Variants in CPS1 observed in about 807,000 individuals in gnomAD.
CPS1 encodes the protein carbamoyl-phosphate synthase 1.
CPS1 carries 109 observed loss-of-function variants against 174.6 expected under a neutral mutation model. The ratio of observed to expected loss-of-function variants is 0.62; its 90% CI spans 0.53 to 0.73. The LOEUF is 0.73. CPS1 is among the 30% of genes least tolerant of loss of function. The probability of loss-of-function intolerance (pLI) is 0.00; values close to 1 mark genes in which losing one functional copy is unlikely to be tolerated. For synonymous variants in CPS1, 637 were observed against 632.0 expected (o/e 1.01, Z -0.12); for missense variants, 1,689 against 1,821.9 (o/e 0.93, Z 1.33).
At chr2:210,486,115 T>TACAC (rs60740361) in intron 1 of CPS1, among the ~76,000 whole-genome samples, 5,113 of 135,548 alleles carry the variant, frequency 0.038, 130 homozygotes, top group East Asian at 0.081. Context: ...CACACACACA[T>TACAC]ACACACACAC....
At chr2:210,520,184 A>C (rs981519618) in intron 1 of CPS1, among the ~76,000 whole-genome samples, 7 of 152,082 alleles carry the variant, frequency 4.6e-5, no homozygotes, top group African/African-American at 1.7e-4. Flanking sequence ...TGTATAATTG[A>C]CATCCAATAA....
chr2:210,677,983 T>C lies in CPS1; in HGVS notation c.4501T>C (p.Ter1501GlnextTer13), dbSNP rs762494955. 1 of 1,610,262 alleles carries C rather than the reference T, an allele frequency of 6.2e-7. No individual in the cohort carries two copies. The highest frequency in any genetic ancestry group is 1.1e-5 in the South Asian group (1 of 91,010). Residue 1501 changes from the stop codon to glutamine (Q), a stop_lost, in exon 38 of 38, where the codon TAG (stop) becomes CAG (glutamine). Coordinates refer to ENST00000233072, the MANE Select transcript of CPS1 (RefSeq NM_001875.5). The stretch of plus-strand genomic sequence containing the variant: ...GCAGTACAGTGCTGGAAAAGCAGCA[T>C]AGAGATGCAGACACCCCAGCCCCAT... Reference protein sequence around the residue: ...YRQYSAGKAA* With the variant: ...YRQYSAGKAAQ
chr2:210,544,329 G>A (rs538407943), intron 1 of CPS1, among the ~76,000 whole-genome samples: 4 of 151,936 alleles, frequency 2.6e-5, no homozygotes, highest in African/African-American at 9.7e-5. Flanking sequence ...ACATCTTTAG[G>A]CCAAGAGCTC....
At chr2:210,604,214 GT>G (rs1698823776) in intron 16 of CPS1, among the ~76,000 whole-genome samples, 1 of 151,532 alleles carries the variant, frequency 6.6e-6, no homozygotes, top group South Asian at 2.1e-4. Flanking sequence ...GATGACTGAA[GT>G]TTAAAAAAAT....
At chr2:210,524,236 T>C (rs1695911227) in intron 1 of CPS1, among the ~76,000 whole-genome samples, 4 of 151,990 alleles carry the variant, frequency 2.6e-5, no homozygotes, top group Admixed American at 2.6e-4. Flanking sequence ...TTTGATTTTT[T>C]TCTATAGTTT....
chr2:210,507,525 CA>C lies in CPS1; in HGVS notation c.3+29761del, dbSNP rs1461881070. ...ATGACAGGATCAAATTCACACATAA[CA>C]ATATTAACCTTAAATGTAAATGGGC... On this transcript the variant is annotated intron_variant, in intron 1 of 38. Transcript: ENST00000430249. Among the ~76,000 whole-genome samples, 9 of 151,930 alleles carry C rather than the reference CA, an allele frequency of 5.9e-5. No individual in the cohort carries two copies. In the East Asian group the frequency reaches 1.7e-3, roughly 29 times the overall value.
chr2:210,582,824 G>A (rs1246118955), intron 6 of CPS1, 115 bp downstream of exon 6: 7 of 818,474 alleles, frequency 8.6e-6, no homozygotes, highest in Admixed American at 2.0e-5. Context: ...AGTGTTCAGG[G>A]GTAGAAAGGG....
chr2:210,648,451 T>G (rs1483168931), intron 26 of CPS1, 22 bp from the exon 27 acceptor site: 1 of 1,596,722 alleles, frequency 6.3e-7, no homozygotes, highest in Non-Finnish European at 8.6e-7. Flanking sequence ...CATACATTTT[T>G]ATTGTTGTTT....
intron 1 of CPS1, among the ~76,000 whole-genome samples, chr2:210,547,892 A>G (rs1013434850): frequency 6.6e-6 from 1 of 151,954 alleles, no homozygotes; most frequent in African/African-American, 2.4e-5. Context: ...TCATATTCCT[A>G]TGTTACAGCC....
intron 1 of CPS1, among the ~76,000 whole-genome samples, chr2:210,512,991 T>C (rs867246937): frequency 6.8e-5 from 2 of 29,216 alleles, no homozygotes; most frequent in Middle Eastern, 0.023. Context: ...TGGAGAGATA[T>C]ATATATGGAG....
chr2:210,596,839 T>C (rs1044743849), intron 13 of CPS1, among the ~76,000 whole-genome samples: 8 of 151,858 alleles, frequency 5.3e-5, no homozygotes, highest in African/African-American at 1.9e-4. Flanking sequence ...TTTACATCAA[T>C]TGGGTAAAGT....
chr2:210,636,066 T>G (rs1234156263), intron 21 of CPS1, among the ~76,000 whole-genome samples: 2 of 152,198 alleles, frequency 1.3e-5, no homozygotes, highest in East Asian at 3.8e-4. Flanking sequence ...TTCATGAAAA[T>G]GTTTTCTTAA....
At chr2:210,493,299 C>T (rs1295860905) in intron 1 of CPS1, among the ~76,000 whole-genome samples, 2 of 152,094 alleles carry the variant, frequency 1.3e-5, no homozygotes, top group Non-Finnish European at 2.9e-5. Context: ...ATGATGAGTT[C>T]ATTGGACGAG....
In CPS1 at chr2:210,642,578, G is replaced by C; in HGVS notation, c.3054G>C (p.Glu1018Asp). 6.2e-7 allele frequency: 1 copy of C among 1,614,096 alleles called. No homozygotes were observed. The highest frequency in any genetic ancestry group is 8.5e-7 in the Non-Finnish European group (1 of 1,179,984). The change falls in exon 25 of 38, where the codon GAG becomes GAC. Residue 1018 changes from glutamate to aspartate, a missense_variant. By Grantham distance (45) the Glu-to-Asp change is conservative. Transcript: ENST00000233072. ...KKTVVVNCNP[E>D]TVSTDFDECD... is the part of the protein sequence containing the mutation. ...CGGTGGTGGTGAATTGCAATCCTGAGACTGTGAGCACAGACTTTGATGAGT... is the reference window on the plus strand; with the variant it reads ...CGGTGGTGGTGAATTGCAATCCTGACACTGTGAGCACAGACTTTGATGAGT...
intron 8 of CPS1, 108 bp from the exon 9 acceptor site, chr2:210,590,692 T>C (rs1698263755): frequency 1.2e-6 from 1 of 800,698 alleles, no homozygotes; most frequent in African/African-American, 1.7e-5. Context: ...ATTCAGTTAC[T>C]ATTCTCTTTA....
intron 33 of CPS1, among the ~76,000 whole-genome samples, chr2:210,667,824 A>G (rs186628874): frequency 6.6e-6 from 1 of 152,324 alleles, no homozygotes; most frequent in Non-Finnish European, 1.5e-5. Flanking sequence ...TCGGAAACTT[A>G]CCACATTATG....
At chr2:210,590,259 G>C (rs369669109) in intron 8 of CPS1, 25 bp downstream of exon 8, 7 of 1,612,110 alleles carry the variant, frequency 4.3e-6, no homozygotes, top group Non-Finnish European at 5.9e-6. Flanking sequence ...GAATTCATGT[G>C]TATCTGTGTG....
chr2:210,499,776 C>T (rs1306391301), intron 1 of CPS1, among the ~76,000 whole-genome samples: 2 of 152,094 alleles, frequency 1.3e-5, no homozygotes, highest in Non-Finnish European at 2.9e-5. Context: ...GGAGGCTCTC[C>T]TCCCCTCTCA....
chr2:210,633,236 C>A (rs557451032), intron 21 of CPS1, among the ~76,000 whole-genome samples: 1 of 152,030 alleles, frequency 6.6e-6, no homozygotes, highest in South Asian at 2.1e-4. Flanking sequence ...GGAGCAGTAA[C>A]AGTTGAGTTA....
Sources: gnomAD v4.1 joint callset for allele counts (sites outside exome capture counted in the v4.1 genomes callset) on GRCh38, gnomAD v4.1.1 for gene constraint, MANE v1.5 for transcripts, NCBI Gene and HGNC (gene_info 2026-07-23, HGNC 2026-07-21) for gene names.